Variants in LRRC43 observed in about 807,000 individuals in gnomAD.
The protein encoded by LRRC43 is leucine-rich repeat-containing protein 43.
LRRC43 carries 62 observed loss-of-function variants against 64.3 expected under a neutral mutation model. The observed-to-expected ratio is 0.96, with a 90% CI of 0.79 to 1.19. The LOEUF is 1.19. LRRC43 is among the 50% of genes most tolerant of loss of function. LRRC43 has a pLI of 0.00. For synonymous variants in LRRC43, 422 were observed against 382.3 expected (o/e 1.10, Z -1.21); for missense variants, 868 against 845.0 (o/e 1.03, Z -0.34).
chr12:122,176,899 G>A (rs998264666), intron 1 of LRRC43, among the ~76,000 whole-genome samples: 1 of 151,978 alleles, frequency 6.6e-6, no homozygotes, highest in Non-Finnish European at 1.5e-5. Context: ...AACTCAAGGT[G>A]CACAGAGGGG....
At position 122,200,310 on chromosome 12, in the gene LRRC43, G is replaced by A. The variant is rs372715448; in HGVS notation, c.1471G>A (p.Val491Met). 1.5e-5 allele frequency: 24 copies of A among 1,611,098 alleles called. No individual in the cohort carries two copies. Among genetic ancestry groups the A allele is most frequent in the African/African-American group, 8.0e-5 (6 of 74,986 alleles). The change falls in exon 8 of 12, where the codon GTG becomes ATG. Residue 491 changes from valine (V) to methionine (M), a missense_variant. Physicochemically the swap from Val to Met is conservative, Grantham distance 21. Transcript: ENST00000339777. This position sits in a 1 kb window ranked among gnomAD's most constrained non-coding sequence, Gnocchi z 4.6. ...LKAFLLAGTT[V>M]TIVEEKILSW... The stretch of plus-strand genomic sequence containing the variant: ...GGCCTTCCTGCTGGCGGGGACCACC[G>A]TGACCATCGTGGAGGAGAAGGTGGG...
chr12:122,183,000 G>A, upstream of LRRC43: 1 of 1,297,508 alleles, frequency 7.7e-7, no homozygotes, highest in Admixed American at 3.2e-5. Flanking sequence ...TTATAGATGA[G>A]GGCAGAAGAG....
chr12:122,183,158 A>ACGAGAC lies in LRRC43; in HGVS notation c.18_19insACCGAG (p.Glu6_Ser7insThrGlu). On this transcript the variant is annotated inframe_insertion, in exon 1 of 12. Transcript: ENST00000339777. ...GCGGCCCGGGCCATGGAGGCGTCGT[A>ACGAGAC]CGAGTCCGAGTCCGAGTCCGAGTCT... is the stretch of plus-strand genomic sequence containing the variant. The ACGAGAC allele has an allele frequency of 6.5e-7, 1 of 1,548,658 alleles. No homozygotes were observed.
chr12:122,169,713 C>T (rs1238492547), intron 1 of LRRC43, among the ~76,000 whole-genome samples: 7 of 90,558 alleles, frequency 7.7e-5, no homozygotes, highest in African/African-American at 3.4e-4. Context: ...GAGACTCCGT[C>T]TCAAAAAAAA....
At chr12:122,182,438 G>A (rs994169179), upstream of LRRC43, among the ~76,000 whole-genome samples, 1 of 137,224 alleles carries the variant, frequency 7.3e-6, no homozygotes, top group Non-Finnish European at 1.5e-5. Context: ...AGGAGAATCG[G>A]TTGAATCTGG....
rs1002433951 is a variant in LRRC43, at chr12:122,184,824, C to T, written c.411+45C>T. Reference sequence around the variant, plus strand: ...TAGGTGATGTTAGGGTGGCCGCTCCCCTAAGGGAGGTTGTGGGGAGGGCAC... The same window carrying T: ...TAGGTGATGTTAGGGTGGCCGCTCCTCTAAGGGAGGTTGTGGGGAGGGCAC... On this transcript the variant is annotated intron_variant, in intron 2 of 11. Coordinates refer to ENST00000339777, the MANE Select transcript of LRRC43 (RefSeq NM_001098519.2). This position sits in a 1 kb window ranked among gnomAD's most constrained non-coding sequence, Gnocchi z 4.0. 3 of 1,556,380 alleles carry T rather than the reference C, an allele frequency of 1.9e-6. No individual in the cohort carries two copies. The highest frequency in any genetic ancestry group is 1.9e-5 in the Admixed American group (1 of 51,546).
rs1272649140 is a variant in LRRC43, at chr12:122,184,081, T to C, written c.151-438T>C. Reference sequence around the variant, plus strand: ...CTAATAATCCATCAAAATTATTGATTATTCACTGTCTAGATTTTTTTTTTT... The same window carrying C: ...CTAATAATCCATCAAAATTATTGATCATTCACTGTCTAGATTTTTTTTTTT... On this transcript the variant is annotated intron_variant, in intron 1 of 11. Transcript: ENST00000339777. This position sits in a 1 kb window ranked among gnomAD's most constrained non-coding sequence, Gnocchi z 4.0. Among the ~76,000 whole-genome samples, 1 of 148,714 alleles carries C rather than the reference T, an allele frequency of 6.7e-6. No homozygotes were observed. The highest frequency in any genetic ancestry group is 7.0e-5 in the Admixed American group (1 of 14,228).
chr12:122,183,939 C>G (rs1953611009), intron 1 of LRRC43, among the ~76,000 whole-genome samples: 1 of 151,934 alleles, frequency 6.6e-6, no homozygotes, highest in South Asian at 2.1e-4. Flanking sequence ...CAGGATTTCA[C>G]CATGTTGCCC....
chr12:122,187,992 C>A (rs1030549298), intron 4 of LRRC43, 152 bp downstream of exon 4: 4 of 748,092 alleles, frequency 5.3e-6, no homozygotes, highest in South Asian at 2.0e-5. Flanking sequence ...TTCTCTGAAT[C>A]CCCCTTCAGT....
intron 7 of LRRC43, among the ~76,000 whole-genome samples, chr12:122,193,330 G>T (rs1213805935): frequency 7.1e-6 from 1 of 140,034 alleles, no homozygotes; most frequent in Non-Finnish European, 1.5e-5. Flanking sequence ...GCAGTGAGCC[G>T]AGATCGTGCC....
In LRRC43 at chr12:122,203,373, C is replaced by A. The variant is rs376532409; in HGVS notation, c.1902C>A (p.Thr634=). The part of the protein sequence containing the change: ...YEGDYHPEPL[T]VEVQIQLNQC... ...GCGATTACCACCCTGAGCCCCTGAC[C>A]GTAGAGGTGCAGATCCAGCTGAACC... Residue 634 remains threonine (T), a synonymous_variant, in exon 12 of 12, where the codon ACC becomes ACA. Coordinates refer to ENST00000339777, the MANE Select transcript of LRRC43 (RefSeq NM_001098519.2). The A allele has an allele frequency of 1.9e-6, 3 of 1,613,340 alleles. No individual in the cohort carries two copies. Among genetic ancestry groups the A allele is most frequent in the Non-Finnish European group, 2.5e-6 (3 of 1,179,962 alleles).
intron 7 of LRRC43, among the ~76,000 whole-genome samples, chr12:122,195,531 A>G (rs1011331935): frequency 6.6e-6 from 1 of 152,110 alleles, no homozygotes; most frequent in Non-Finnish European, 1.5e-5. Flanking sequence ...GTGAGCCACC[A>G]TGCCTGGCCT....
At chr12:122,187,306 A>C (rs1953656260) in intron 3 of LRRC43, 2 of 159,570 alleles carry the variant, frequency 1.3e-5, no homozygotes, top group Admixed American at 1.3e-4. Flanking sequence ...CAACAAAAAA[A>C]GGTGGGTGAG....
chr12:122,175,393 G>A (rs551084793), intron 1 of LRRC43, among the ~76,000 whole-genome samples: 59 of 151,208 alleles, frequency 3.9e-4, no homozygotes, highest in African/African-American at 1.3e-3. Flanking sequence ...GGTCTCAAAC[G>A]CCTGACCTTG....
At chr12:122,201,666 G>A (rs1396992383) in intron 11 of LRRC43, among the ~76,000 whole-genome samples, 1 of 152,190 alleles carries the variant, frequency 6.6e-6, no homozygotes, top group Non-Finnish European at 1.5e-5. Context: ...GAGGGGCCTG[G>A]GCTTGTCCTG....
chr12:122,190,600 C>T (rs771384938), intron 5 of LRRC43, among the ~76,000 whole-genome samples: 15 of 152,322 alleles, frequency 9.8e-5, no homozygotes, highest in East Asian at 1.9e-4. Flanking sequence ...CGGTGGCTAA[C>T]GCCTGTAATC....
At chr12:122,202,439 C>A (rs141519948) in intron 11 of LRRC43, 1 of 152,110 alleles carries the variant, frequency 6.6e-6, no homozygotes, top group East Asian at 1.9e-4. Flanking sequence ...AAGGTTGTTA[C>A]AATGTGAAAA....
At position 122,203,379 on chromosome 12, in the gene LRRC43, G is replaced by T; in HGVS notation, c.1908G>T (p.Glu636Asp). The T allele has an allele frequency of 6.2e-7, 1 of 1,613,418 alleles. No homozygotes were observed. The change falls in exon 12 of 12, where the codon GAG becomes GAT. Residue 636 changes from glutamate to aspartate, a missense_variant. Physicochemically the swap from Glu to Asp is conservative, Grantham distance 45. Transcript: ENST00000339777. ...GDYHPEPLTVEVQIQLNQCRS... is the reference protein window; with the variant it reads ...GDYHPEPLTVDVQIQLNQCRS... Reference sequence around the variant, plus strand: ...ACCACCCTGAGCCCCTGACCGTAGAGGTGCAGATCCAGCTGAACCAGTGCC... The same window carrying T: ...ACCACCCTGAGCCCCTGACCGTAGATGTGCAGATCCAGCTGAACCAGTGCC...
chr12:122,174,841 TTTC>T (rs968765034), intron 1 of LRRC43, among the ~76,000 whole-genome samples: 11 of 146,244 alleles, frequency 7.5e-5, no homozygotes, highest in African/African-American at 2.5e-4. Flanking sequence ...TCATATCTTT[TTTC>T]TTTTTTTTTT....
Sources: allele counts gnomAD v4.1 joint callset (sites outside exome capture counted in the v4.1 genomes callset), GRCh38; gene constraint gnomAD v4.1.1; non-coding constraint Gnocchi (gnomAD v3.1); transcripts MANE v1.5; gene names NCBI Gene and HGNC (gene_info 2026-07-23, HGNC 2026-07-21).